The following WDR70 variants were observed in gnomAD, a reference collection of about 807,000 sequenced individuals.
WDR70 encodes WD repeat-containing protein 70.
In WDR70, 53 loss-of-function variants were observed where a neutral mutation model predicts 88.6. The observed-to-expected ratio is 0.60, with a 90% confidence interval of 0.48 to 0.75. The LOEUF is 0.75. Ranked by LOEUF, WDR70 falls within the 30% of genes least tolerant of loss-of-function variation. The probability of loss-of-function intolerance (pLI) is 0.00; values close to 1 mark genes in which losing one functional copy is unlikely to be tolerated. For synonymous variants in WDR70, 280 were observed against 270.0 expected (o/e 1.04, Z -0.36); for missense variants, 610 against 823.2 (o/e 0.74, Z 3.17).
chr5:37,421,522 T>C lies in WDR70; in HGVS notation c.493-16400T>C, dbSNP rs138968197. ...CTGTGAAAACAGAGCATTTTCTCCTTGTGAAAATCTTCACTGACTCACAAA... is the reference window on the plus strand; with the variant it reads ...CTGTGAAAACAGAGCATTTTCTCCTCGTGAAAATCTTCACTGACTCACAAA... On this transcript the variant is annotated intron_variant, in intron 5 of 17. Transcript: ENST00000265107. Among the ~76,000 whole-genome samples, 439 of 152,350 alleles carry C rather than the reference T, an allele frequency of 2.9e-3. 2 individuals carry two copies. Among genetic ancestry groups the C allele is most frequent in the African/African-American group, 0.01 (428 of 41,570 alleles).
At chr5:37,719,763 T>C (rs1184535667) in intron 13 of WDR70, among the ~76,000 whole-genome samples, 1 of 136,212 alleles carries the variant, frequency 7.3e-6, no homozygotes, top group African/African-American at 3.4e-5. Context: ...CATTTACCTA[T>C]TTTTTTTTGG....
At chr5:37,497,953 C>G (rs1740280361) in intron 8 of WDR70, among the ~76,000 whole-genome samples, 1 of 152,112 alleles carries the variant, frequency 6.6e-6, no homozygotes, top group Admixed American at 6.5e-5. Context: ...TCCCGAGTAG[C>G]TGGGATTATA....
chr5:37,490,032 C>A (rs1740018959), intron 8 of WDR70, among the ~76,000 whole-genome samples: 1 of 152,146 alleles, frequency 6.6e-6, no homozygotes, highest in African/African-American at 2.4e-5. Flanking sequence ...GGGACGGGGG[C>A]AATTCCTAGG....
At chr5:37,384,173 C>CTTTTTTTTTTTTTTTTTTTTTT (rs57075180) in intron 3 of WDR70, among the ~76,000 whole-genome samples, 1 of 107,870 alleles carries the variant, frequency 9.3e-6, no homozygotes, top group African/African-American at 3.4e-5. Context: ...ACTTTCCCCC[C>CTTTTTTTTTTTTTTTTTTTTTT]TTTTTTTTTT....
chr5:37,618,320 T>G (rs1414518124), intron 10 of WDR70, among the ~76,000 whole-genome samples: 1 of 152,204 alleles, frequency 6.6e-6, no homozygotes, highest in African/African-American at 2.4e-5. Flanking sequence ...TTGAATTTAG[T>G]CAAAATATAA....
At chr5:37,470,041 A>G (rs1167637230) in intron 7 of WDR70, among the ~76,000 whole-genome samples, 1 of 152,102 alleles carries the variant, frequency 6.6e-6, no homozygotes, top group Non-Finnish European at 1.5e-5. Context: ...CCTCAGATTA[A>G]TTTATACACA....
At chr5:37,585,075 C>T (rs1194660282) in intron 9 of WDR70, among the ~76,000 whole-genome samples, 2 of 149,694 alleles carry the variant, frequency 1.3e-5, no homozygotes. Context: ...ACTGCAACCT[C>T]TGCCTCCCAG....
intron 8 of WDR70, among the ~76,000 whole-genome samples, chr5:37,482,697 T>G (rs1239891104): frequency 6.6e-6 from 1 of 152,150 alleles, no homozygotes; most frequent in Non-Finnish European, 1.5e-5. Flanking sequence ...ATTAAGTACC[T>G]TAATATCTGG....
chr5:37,744,697 C>T (rs568730604), intron 17 of WDR70, among the ~76,000 whole-genome samples: 1 of 151,612 alleles, frequency 6.6e-6, no homozygotes, highest in African/African-American at 2.4e-5. Flanking sequence ...GTTTGAAGCC[C>T]ACCTTACTGA....
At position 37,628,744 on chromosome 5, in the gene WDR70, G is replaced by C. The variant is rs958144267; in HGVS notation, c.1092+23506G>C. ...CTCCTTTCATTTTGTTGATTTTCTGGTTATTTTGCATATCCTTTGTTCCTT... is the reference window on the plus strand; with the variant it reads ...CTCCTTTCATTTTGTTGATTTTCTGCTTATTTTGCATATCCTTTGTTCCTT... On this transcript the variant is annotated intron_variant, in intron 10 of 17. Transcript: ENST00000265107. Among the ~76,000 whole-genome samples, 12 of 152,214 alleles carry C rather than the reference G, an allele frequency of 7.9e-5. No homozygotes were observed. The East Asian group carries it at 2.3e-3, about 29-fold the overall frequency.
chr5:37,678,166 G>A (rs571330501), intron 10 of WDR70, among the ~76,000 whole-genome samples: 1 of 152,248 alleles, frequency 6.6e-6, no homozygotes, highest in African/African-American at 2.4e-5. Context: ...GCACACTGAT[G>A]GGTCTTGACT....
chr5:37,637,387 TA>T (rs1481477238), intron 10 of WDR70, among the ~76,000 whole-genome samples: 1 of 151,110 alleles, frequency 6.6e-6, no homozygotes, highest in Non-Finnish European at 1.5e-5. Context: ...AAAAGATTTA[TA>T]AATAGTATTT....
At chr5:37,560,309 G>T (rs1160977189) in intron 9 of WDR70, among the ~76,000 whole-genome samples, 3 of 151,548 alleles carry the variant, frequency 2.0e-5, no homozygotes, top group South Asian at 2.1e-4. Flanking sequence ...TCAATGAATT[G>T]TTTTTTTTAC....
intron 13 of WDR70, among the ~76,000 whole-genome samples, chr5:37,706,751 ACACT>A (rs1179629814): frequency 6.6e-6 from 1 of 151,866 alleles, no homozygotes; most frequent in African/African-American, 2.4e-5. Context: ...ACACAGACTC[ACACT>A]CACACTCTCT....
chr5:37,478,994 A>C (rs1370202057), intron 7 of WDR70, among the ~76,000 whole-genome samples: 1 of 152,106 alleles, frequency 6.6e-6, no homozygotes. Context: ...AGGCTTGAAA[A>C]CTTGTTCAAA....
chr5:37,518,896 G>A (rs1005114140), intron 9 of WDR70, among the ~76,000 whole-genome samples: 7 of 151,956 alleles, frequency 4.6e-5, no homozygotes, highest in Non-Finnish European at 7.4e-5. Flanking sequence ...GACTCTTAAC[G>A]AGCATGCTGC....
At chr5:37,486,992 GTCTCT>G in intron 8 of WDR70, among the ~76,000 whole-genome samples, 1 of 152,240 alleles carries the variant, frequency 6.6e-6, no homozygotes, top group East Asian at 1.9e-4. Context: ...TTCTGTGTCT[GTCTCT>G]TTTGGTATTC....
chr5:37,514,845 G>A (rs1419423475), intron 8 of WDR70, among the ~76,000 whole-genome samples: 4 of 151,736 alleles, frequency 2.6e-5, no homozygotes, highest in Non-Finnish European at 5.9e-5. Flanking sequence ...GTGAGACCCC[G>A]TCTCTACGAA....
intron 10 of WDR70, among the ~76,000 whole-genome samples, chr5:37,668,915 C>T (rs921361609): frequency 2.0e-5 from 3 of 152,146 alleles, no homozygotes; most frequent in Admixed American, 1.3e-4. Flanking sequence ...CAATAGTGAA[C>T]CTGGACTGAA....
Sources: gnomAD v4.1 joint callset for allele counts (sites outside exome capture counted in the v4.1 genomes callset) on GRCh38, gnomAD v4.1.1 for gene constraint, MANE v1.5 for transcripts, NCBI Gene and HGNC (gene_info 2026-07-23, HGNC 2026-07-21) for gene names.